Variants in C6orf62 observed in about 807,000 individuals in gnomAD.
C6orf62 encodes uncharacterized protein C6orf62.
C6orf62 carries 16 observed loss-of-function variants against 26.8 expected under a neutral mutation model. The ratio of observed to expected loss-of-function variants is 0.60; its 90% CI spans 0.40 to 0.91. The LOEUF is 0.91. Among genes scored for constraint, C6orf62 ranks in the 40% least tolerant of loss-of-function variants. The pLI is 0.00. For missense variants in C6orf62, 192 were observed against 271.4 expected, an observed-to-expected ratio of 0.71 and a Z score of 2.06; for synonymous variants, 112 against 91.5, an observed-to-expected ratio of 1.22 and a Z score of -1.28.
Position 24,708,869 on chromosome 6 carries a change from G to A in C6orf62, c.472C>T (p.Leu158=), listed in dbSNP as rs1248030278. The A allele has an allele frequency of 2.5e-6, 4 of 1,614,028 alleles. No homozygotes were observed. Among genetic ancestry groups the A allele is most frequent in the Non-Finnish European group, 3.4e-6 (4 of 1,180,038 alleles). ...TTGTCCTTGCGGCTCAGTACATGCA[G>A]AAACTGTTTTTCATAGTCACCATGA... is the stretch of plus-strand genomic sequence containing the variant. ...FHHGDYEKQF[L]HVLSRKDKTG... Residue 158 remains leucine, a synonymous_variant, in exon 4 of 5, where the codon CTG becomes TTG. Coordinates refer to ENST00000378119, the MANE Select transcript of C6orf62 (RefSeq NM_030939.5).
chr6:24,720,279 C>T (rs1388105856), upstream of C6orf62: 2 of 1,290,952 alleles, frequency 1.5e-6, no homozygotes, highest in Admixed American at 4.0e-5. Flanking sequence ...GTGGCGGCGG[C>T]GGAAGAGGCG....
At chr6:24,706,380 G>A in intron 4 of C6orf62, 118 bp from the exon 5 acceptor site, 1 of 1,403,894 alleles carries the variant, frequency 7.1e-7, no homozygotes, top group South Asian at 1.4e-5. Context: ...GGGACAAATT[G>A]TAGTCCCTAT....
At chr6:24,718,412 A>C (rs2127636809) in intron 1 of C6orf62, 128 bp downstream of exon 1, 2 of 897,320 alleles carry the variant, frequency 2.2e-6, no homozygotes, top group Non-Finnish European at 1.7e-6. Flanking sequence ...GTGAAAAAAC[A>C]GAGCATACAA....
In C6orf62 at chr6:24,705,097, A is replaced by G. The variant is rs1268006021; in HGVS notation, c.*1040T>C. 3 of 152,054 alleles carry G rather than the reference A, an allele frequency of 2.0e-5. No individual in the cohort carries two copies. The highest frequency in any genetic ancestry group is 4.4e-5 in the Non-Finnish European group (3 of 67,910). The allele number at this position is 152,054 out of a possible 1,614,324, so 9.4% of individuals were successfully genotyped here. A position where few individuals can be genotyped will look rare whatever the true frequency, so the allele number is the denominator to read the frequency against. Reference sequence around the variant, plus strand: ...AGAAAAAAAAAAAAACCTATACAGTAGTCTTTCCTTATGTTCATTGCACAA... The same window carrying G: ...AGAAAAAAAAAAAAACCTATACAGTGGTCTTTCCTTATGTTCATTGCACAA... On this transcript the variant is annotated 3_prime_UTR_variant, in exon 5 of 5. Transcript: ENST00000378119.
rs1326138202 is a variant in C6orf62, at chr6:24,705,064, T to A, written c.*1073A>T. The A allele has an allele frequency of 7.7e-6, 1 of 129,590 alleles. No homozygotes were observed. Among genetic ancestry groups the A allele is most frequent in the African/African-American group, 2.8e-5 (1 of 35,186 alleles). The allele number at this position is 129,590 out of a possible 1,614,324, so 8.0% of individuals were successfully genotyped here. ...ACCCTTAAGCAAAGCTTTTCTTCAT[T>A]TAAAAGGAGAAAAAAAAAAAAACCT... On this transcript the variant is annotated 3_prime_UTR_variant, in exon 5 of 5. Transcript: ENST00000378119.
chr6:24,719,016 G>C lies in C6orf62; in HGVS notation c.-348C>G, dbSNP rs997465405. 21 of 1,117,438 alleles carry C rather than the reference G, an allele frequency of 1.9e-5. No homozygotes were observed. The highest frequency in any genetic ancestry group is 3.4e-5 in the African/African-American group (2 of 58,932). 69.2% of individuals were successfully genotyped at this position (1,117,438 alleles called of 1,614,324 possible). A position where few individuals can be genotyped will look rare whatever the true frequency, so the allele number is the denominator to read the frequency against. ...CAAAATAAAGGCTTTGCGGAGAAAT[G>C]AAAAGCCTATAATCAGGATTTAGGT... On this transcript the variant is annotated 5_prime_UTR_variant, in exon 1 of 5. Coordinates refer to ENST00000378119, the MANE Select transcript of C6orf62 (RefSeq NM_030939.5).
intron 3 of C6orf62, chr6:24,709,894 A>C: frequency 2.0e-6 from 2 of 985,468 alleles, no homozygotes; most frequent in Non-Finnish European, 2.4e-6. Flanking sequence ...ATTTTGGTTC[A>C]AACAAATTTT....
Position 24,716,728 on chromosome 6 carries a change from CT to C in C6orf62, c.130-405del, listed in dbSNP as rs562976400. ...AAAACCATCAATATTTCTGGTTTTT[CT>C]TTTTTTTTTTTGAGATGGAGTCTCA... On this transcript the variant is annotated intron_variant, in intron 1 of 4. Coordinates refer to ENST00000378119, the MANE Select transcript of C6orf62 (RefSeq NM_030939.5). Among the ~76,000 whole-genome samples the C allele has an allele frequency of 2.5e-3, 369 of 145,150 alleles. 6 individuals carry two copies. In the South Asian group the frequency reaches 0.039, roughly 15 times the overall value.
intron 2 of C6orf62, 61 bp downstream of exon 2, chr6:24,716,087 G>C: frequency 7.1e-7 from 1 of 1,410,880 alleles, no homozygotes; most frequent in Non-Finnish European, 9.9e-7. Flanking sequence ...TTCGGGGGGC[G>C]GGGAAATGCA....
At chr6:24,719,787 T>G, upstream of C6orf62, 1 of 1,546,556 alleles carries the variant, frequency 6.5e-7, no homozygotes, top group South Asian at 1.2e-5. Context: ...TCCCAGGCGG[T>G]GCCCGGAGAC....
At chr6:24,712,396 C>T (rs900938189) in intron 3 of C6orf62, among the ~76,000 whole-genome samples, 6 of 150,590 alleles carry the variant, frequency 4.0e-5, no homozygotes, top group Non-Finnish European at 5.9e-5. Context: ...AAAGGACGGG[C>T]ATGGTGGCTC....
At chr6:24,715,512 A>G (rs1779203595) in intron 2 of C6orf62, among the ~76,000 whole-genome samples, 1 of 152,206 alleles carries the variant, frequency 6.6e-6, no homozygotes. Context: ...CCTACTTCAA[A>G]AATTTTTAAA....
chr6:24,709,379 T>C (rs990479293), intron 3 of C6orf62: 103 of 985,148 alleles, frequency 1.0e-4, no homozygotes, highest in Non-Finnish European at 1.2e-4. Context: ...TCTTTTCTTT[T>C]GATTAGGAGT....
In C6orf62 at chr6:24,718,907, G is replaced by A; in HGVS notation, c.-239C>T. 7.7e-7 allele frequency: 1 copy of A among 1,300,068 alleles called. No homozygotes were observed. Among genetic ancestry groups the A allele is most frequent in the Non-Finnish European group, 9.7e-7 (1 of 1,026,442 alleles). 80.5% of individuals were successfully genotyped at this position (1,300,068 alleles called of 1,614,324 possible). A position where few individuals can be genotyped will look rare whatever the true frequency, so the allele number is the denominator to read the frequency against. Reference sequence around the variant, plus strand: ...TCATGTTTGGACAATAACGTTTGGGGTCAGACGGGAAAAAGGGAGGAAAGA... The same window carrying A: ...TCATGTTTGGACAATAACGTTTGGGATCAGACGGGAAAAAGGGAGGAAAGA... On this transcript the variant is annotated 5_prime_UTR_variant, in exon 1 of 5. Transcript: ENST00000378119.
Position 24,716,254 on chromosome 6 carries a change from A to G in C6orf62, c.200T>C (p.Ile67Thr). 6.2e-7 allele frequency: 1 copy of G among 1,613,820 alleles called. No individual in the cohort carries two copies. Among genetic ancestry groups the G allele is most frequent in the Non-Finnish European group, 8.5e-7 (1 of 1,179,714 alleles). The change falls in exon 2 of 5, where the codon ATC becomes ACC. Residue 67 changes from isoleucine (I) to threonine (T), a missense_variant. Transcript: ENST00000378119. ...GCTGGAATCTCGCACACCTTTCAGG[A>G]TATTTTCTTCATAATTATTTGTCAT... ...PVMTNNYEEN[I>T]LKGVRDSSYS... is the part of the protein sequence containing the mutation.
At chr6:24,712,853 T>C (rs968095089) in intron 3 of C6orf62, among the ~76,000 whole-genome samples, 7 of 152,162 alleles carry the variant, frequency 4.6e-5, no homozygotes, top group Non-Finnish European at 8.8e-5. Flanking sequence ...GAAAACATAC[T>C]GTAATAAGCA....
Position 24,719,095 on chromosome 6 carries a change from TCCC to T in C6orf62, c.-430_-428del. 4.2e-6 allele frequency: 4 copies of T among 961,706 alleles called. No homozygotes were observed. The highest frequency in any genetic ancestry group is 4.7e-5 in the South Asian group (1 of 21,288). 59.6% of individuals were successfully genotyped at this position (961,706 alleles called of 1,614,324 possible). On this transcript the variant is annotated 5_prime_UTR_variant, in exon 1 of 5. Coordinates refer to ENST00000378119, the MANE Select transcript of C6orf62 (RefSeq NM_030939.5). ...CAATCCCTAAAATCCATCCGGATTT[TCCC>T]CCCTTTTTAGAAAAGGGATTAAGGA...
intron 3 of C6orf62, chr6:24,710,436 G>T (rs1779098212): frequency 8.0e-6 from 3 of 375,312 alleles, no homozygotes; most frequent in African/African-American, 2.2e-5. Context: ...AGCTAATTTT[G>T]TGTTTTTAGT....
At chr6:24,718,295 T>C (rs991520965) in intron 1 of C6orf62, among the ~76,000 whole-genome samples, 4 of 152,220 alleles carry the variant, frequency 2.6e-5, no homozygotes, top group Non-Finnish European at 4.4e-5. Context: ...GTCAACTCAG[T>C]GTATACTACT....
Sources: allele counts gnomAD v4.1 joint callset (sites outside exome capture counted in the v4.1 genomes callset), GRCh38; gene constraint gnomAD v4.1.1; transcripts MANE v1.5; gene names NCBI Gene and HGNC (gene_info 2026-07-23, HGNC 2026-07-21).